The following DCDC1 variants were observed in gnomAD, a reference collection of about 807,000 sequenced individuals.
DCDC1 encodes the protein doublecortin domain containing 1.
Under a neutral mutation model 178.3 loss-of-function variants are expected in DCDC1, and 200 were observed. The ratio of observed to expected loss-of-function variants is 1.12; its 90% CI spans 1.00 to 1.26. The LOEUF is 1.26. Among genes scored for constraint, DCDC1 ranks in the 50% most tolerant of loss-of-function variants. The pLI is 0.00. For synonymous variants in DCDC1, 690 were observed against 604.8 expected, an observed-to-expected ratio of 1.14 and a Z score of -2.07; for missense variants, 1,983 against 1,749.2, an observed-to-expected ratio of 1.13 and a Z score of -2.38.
At chr11:31,096,846 G>A (rs2135705456) in intron 15 of DCDC1, among the ~76,000 whole-genome samples, 1 of 152,210 alleles carries the variant, frequency 6.6e-6, no homozygotes, top group Non-Finnish European at 1.5e-5. Flanking sequence ...TAAGGACTAT[G>A]AAAGTTGGGA....
At chr11:31,083,495 G>A (rs1253712590) in intron 17 of DCDC1, among the ~76,000 whole-genome samples, 4 of 152,156 alleles carry the variant, frequency 2.6e-5, no homozygotes, top group African/African-American at 7.2e-5. Context: ...GGCTGCCAAA[G>A]GGAACGGTGG....
chr11:31,005,856 T>A (rs1951809084), intron 20 of DCDC1, among the ~76,000 whole-genome samples: 2 of 151,054 alleles, frequency 1.3e-5, no homozygotes, highest in African/African-American at 2.4e-5. Flanking sequence ...CCATTCTTTT[T>A]AAATTTTTGA....
chr11:31,051,125 C>A (rs561866495), intron 20 of DCDC1, among the ~76,000 whole-genome samples: 15 of 151,924 alleles, frequency 9.9e-5, no homozygotes, highest in Admixed American at 9.8e-4. Flanking sequence ...AAATAGATAG[C>A]TTAAAAAAAA....
Position 31,318,845 on chromosome 11 carries a change from C to A in DCDC1, c.164+9272G>T, listed in dbSNP as rs1266066992. On this transcript the variant is annotated intron_variant, in intron 3 of 38. Coordinates refer to ENST00000684477, the MANE Select transcript of DCDC1 (RefSeq NM_001387274.1). ...CTGTTTTGAACGCGTCCCAGAGATT[C>A]TGGTATGTGGTGTCTTTGTTCTCGT... Among the ~76,000 whole-genome samples the A allele has an allele frequency of 3.1e-5, 2 of 64,748 alleles. 1 individual carries two copies. The highest frequency in any genetic ancestry group is 5.4e-5 in the Non-Finnish European group (2 of 36,936). The allele number at this position is 64,748 out of a possible 152,430, so 42.5% of individuals were successfully genotyped here. A position where few individuals can be genotyped will look rare whatever the true frequency, so the allele number is the denominator to read the frequency against.
At chr11:31,013,400 G>A (rs1458807668) in intron 20 of DCDC1, among the ~76,000 whole-genome samples, 1 of 151,954 alleles carries the variant, frequency 6.6e-6, no homozygotes, top group Non-Finnish European at 1.5e-5. Flanking sequence ...TTGTCCTTTT[G>A]TCCCAGTGTA....
intron 36 of DCDC1, among the ~76,000 whole-genome samples, chr11:30,884,084 G>T (rs1487574332): frequency 8.1e-6 from 1 of 122,962 alleles, no homozygotes; most frequent in Non-Finnish European, 1.6e-5. Flanking sequence ...AGGCTGGAGT[G>T]CAGTGGCATG....
chr11:31,253,634 C>G (rs1269449167), intron 8 of DCDC1, among the ~76,000 whole-genome samples: 6 of 152,086 alleles, frequency 3.9e-5, no homozygotes, highest in Non-Finnish European at 7.4e-5. Flanking sequence ...TATTTTAAAA[C>G]TTTGCAGGCT....
At chr11:30,984,268 C>T (rs1228556606) in intron 20 of DCDC1, among the ~76,000 whole-genome samples, 1 of 152,020 alleles carries the variant, frequency 6.6e-6, no homozygotes, top group Non-Finnish European at 1.5e-5. Context: ...CGTGTGTATA[C>T]AGAACTGTGT....
intron 20 of DCDC1, among the ~76,000 whole-genome samples, chr11:31,018,606 G>A (rs1246034919): frequency 6.6e-6 from 1 of 152,194 alleles, no homozygotes; most frequent in Non-Finnish European, 1.5e-5. Context: ...AGAAAGGTTT[G>A]GATCTGGAGA....
rs543829429 is a variant in DCDC1, at chr11:31,214,914, A to C, written c.1221+26536T>G. On this transcript the variant is annotated intron_variant, in intron 9 of 38. Transcript: ENST00000684477. ...ATTACTATAAAAACTTCCATAATTAAATATAAAGGTGAAACTTAATATTTT... is the reference window on the plus strand; with the variant it reads ...ATTACTATAAAAACTTCCATAATTACATATAAAGGTGAAACTTAATATTTT... Among the ~76,000 whole-genome samples the C allele has an allele frequency of 6.6e-5, 10 of 151,892 alleles. No homozygotes were observed. In the East Asian group the frequency reaches 1.9e-3, roughly 29 times the overall value.
At position 31,082,947 on chromosome 11, in the gene DCDC1, A is replaced by G. The variant is rs557252545; in HGVS notation, c.2238-5022T>C. On this transcript the variant is annotated intron_variant, in intron 17 of 38. Coordinates refer to ENST00000684477, the MANE Select transcript of DCDC1 (RefSeq NM_001387274.1). ...AAAGACAAGGTTCATTCAGTAATCC[A>G]CATAGTGTGAAATTACACATGGACA... 2.6e-5 allele frequency among the ~76,000 whole-genome samples: 4 copies of G among 152,346 alleles called. No individual in the cohort carries two copies. The South Asian group carries it at 8.3e-4, about 32-fold the overall frequency.
In DCDC1 at chr11:31,322,670, G is replaced by T. The variant is rs534692416; in HGVS notation, c.164+5447C>A. On this transcript the variant is annotated intron_variant, in intron 3 of 38. Transcript: ENST00000684477. Reference sequence around the variant, plus strand: ...GTGATGAGCCATCTTGCAAGCAGGAGGGGTCAAGCCAAAGGATCTAGCCAA... The same window carrying T: ...GTGATGAGCCATCTTGCAAGCAGGATGGGTCAAGCCAAAGGATCTAGCCAA... Among the ~76,000 whole-genome samples the T allele has an allele frequency of 8.1e-4, 124 of 152,296 alleles. 2 individuals carry two copies. The highest frequency in any genetic ancestry group is 2.8e-3 in the African/African-American group (115 of 41,564).
intron 2 of DCDC1, among the ~76,000 whole-genome samples, chr11:31,328,606 G>C (rs1198156771): frequency 1.3e-5 from 2 of 152,016 alleles, no homozygotes; most frequent in Non-Finnish European, 2.9e-5. Context: ...AGACCATCCT[G>C]GCTAACACAG....
At chr11:31,064,825 TTA>T (rs1956157874) in intron 19 of DCDC1, among the ~76,000 whole-genome samples, 192 bp downstream of exon 19, 1 of 152,180 alleles carries the variant, frequency 6.6e-6, no homozygotes, top group Non-Finnish European at 1.5e-5. Flanking sequence ...AATAAAATGT[TTA>T]TATAAAGTTA....
Position 30,984,379 on chromosome 11 carries a change from C to A in DCDC1, c.2592-31811G>T, listed in dbSNP as rs180778276. ...TATTCTCACTGCCTCACTTCAAAAA[C>A]AACCTTGGAAAAACAGGTTTTTCTC... On this transcript the variant is annotated intron_variant, in intron 20 of 38. Coordinates refer to ENST00000684477, the MANE Select transcript of DCDC1 (RefSeq NM_001387274.1). Among the ~76,000 whole-genome samples, 625 of 152,266 alleles carry A rather than the reference C, an allele frequency of 4.1e-3. 6 individuals carry two copies. The highest frequency in any genetic ancestry group is 0.014 in the African/African-American group (596 of 41,544).
At position 31,251,786 on chromosome 11, in the gene DCDC1, C is replaced by A. The variant is rs1258134618; in HGVS notation, c.1055-10170G>T. Among the ~76,000 whole-genome samples, 4 of 152,060 alleles carry A rather than the reference C, an allele frequency of 2.6e-5. No homozygotes were observed. In the East Asian group the frequency reaches 7.7e-4, roughly 29 times the overall value. On this transcript the variant is annotated intron_variant, in intron 8 of 38. Transcript: ENST00000684477. ...GACCTTAACATAAGTAGGCAATAGC[C>A]TGCCAAGAGGATAGGGTGAGAGAGA...
At chr11:31,259,941 C>A (rs1944671372) in intron 8 of DCDC1, among the ~76,000 whole-genome samples, 1 of 152,100 alleles carries the variant, frequency 6.6e-6, no homozygotes, top group African/African-American at 2.4e-5. Flanking sequence ...ATGCAGTGGC[C>A]ACATTTCCTG....
At chr11:31,067,044 T>C (rs1381117037) in intron 18 of DCDC1, among the ~76,000 whole-genome samples, 1 of 152,076 alleles carries the variant, frequency 6.6e-6, no homozygotes, top group Non-Finnish European at 1.5e-5. Context: ...TCTATTATTT[T>C]AAGGTAAGGG....
chr11:30,960,642 G>T (rs1411927024), intron 20 of DCDC1, among the ~76,000 whole-genome samples: 1 of 152,090 alleles, frequency 6.6e-6, no homozygotes, highest in Non-Finnish European at 1.5e-5. Context: ...GTCCCCTGGA[G>T]AACTTGCTTC....
Sources: gnomAD v4.1 joint callset for allele counts (sites outside exome capture counted in the v4.1 genomes callset) on GRCh38, gnomAD v4.1.1 for gene constraint, MANE v1.5 for transcripts, NCBI Gene and HGNC (gene_info 2026-07-23, HGNC 2026-07-21) for gene names.